The following GDA variants were observed in gnomAD, a reference collection of about 807,000 sequenced individuals.
GDA encodes guanine deaminase, also known as cytoplasmic PSD-95 interactor.
Under a neutral mutation model 59.6 loss-of-function variants are expected in GDA, and 18 were observed. That is an observed-to-expected ratio of 0.30 (90% CI 0.21 to 0.45). The LOEUF is 0.45. Ranked by LOEUF, GDA falls within the 20% of genes least tolerant of loss-of-function variation. The pLI is 1.00. For missense variants in GDA, 427 were observed against 552.3 expected (o/e 0.77, Z 2.27); for synonymous variants, 201 against 201.1 (o/e 1.00, Z 0.00).
downstream of GDA, among the ~76,000 whole-genome samples, chr9:72,253,043 G>A (rs115272329): frequency 0.012 from 1,870 of 151,998 alleles, 47 homozygotes; most frequent in African/African-American, 0.043. Context: ...GTGATATTAC[G>A]GATCCTCCTT....
chr9:72,248,222 C>G (rs1840349869), intron 13 of GDA, 50 bp from the exon 14 acceptor site: 1 of 1,257,700 alleles, frequency 8.0e-7, no homozygotes, highest in Non-Finnish European at 1.2e-6. Flanking sequence ...AAGGAAGATA[C>G]TTATTGACAC....
intron 1 of GDA, among the ~76,000 whole-genome samples, chr9:72,182,566 A>G (rs1831387614): frequency 2.6e-5 from 4 of 152,086 alleles, no homozygotes; most frequent in African/African-American, 2.4e-5. Context: ...AACTTTGGTC[A>G]CTCGGCTGAG....
At chr9:72,125,319 A>ACTCCCTCCCTTTACTCC (rs1825807448) in intron 1 of GDA, among the ~76,000 whole-genome samples, 1 of 127,390 alleles carries the variant, frequency 7.8e-6, no homozygotes, top group Non-Finnish European at 1.7e-5. Flanking sequence ...TCCTTCCTTT[A>ACTCCCTCCCTTTACTCC]CTCCCTCCCT....
At chr9:72,216,654 C>T (rs901112568) in intron 5 of GDA, among the ~76,000 whole-genome samples, 3 of 151,712 alleles carry the variant, frequency 2.0e-5, no homozygotes, top group Non-Finnish European at 4.4e-5. Context: ...CCAGCGATTG[C>T]CTGGGGCTGG....
At chr9:72,169,936 T>C (rs1829759055) in intron 1 of GDA, among the ~76,000 whole-genome samples, 1 of 152,252 alleles carries the variant, frequency 6.6e-6, no homozygotes, top group Admixed American at 6.5e-5. Context: ...CCTTCAGCTC[T>C]GAGGACAGAT....
intron 1 of GDA, among the ~76,000 whole-genome samples, chr9:72,183,906 G>T (rs1380343460): frequency 1.3e-5 from 2 of 152,148 alleles, no homozygotes; most frequent in African/African-American, 4.8e-5. Flanking sequence ...GATCAGAAGA[G>T]TTATTAAAGT....
Position 72,153,963 on chromosome 9 carries a change from T to TA in GDA, c.123+4291dup, listed in dbSNP as rs144225313. Among the ~76,000 whole-genome samples the TA allele has an allele frequency of 7.3e-3, 1,098 of 149,438 alleles. 17 individuals carry two copies. Among genetic ancestry groups the TA allele is most frequent in the African/African-American group, 0.025 (1,004 of 40,874 alleles). On this transcript the variant is annotated intron_variant, in intron 1 of 13. Coordinates refer to ENST00000358399, the MANE Select transcript of GDA (RefSeq NM_004293.5). ...ATGTACCCTAAAACTTAAAGTATAA[T>TA]AAAAAAAAAATATAGACTCTAACAT...
chr9:72,240,952 T>A (rs578023527), intron 10 of GDA, among the ~76,000 whole-genome samples, 200 bp from the exon 11 acceptor site: 1 of 152,236 alleles, frequency 6.6e-6, no homozygotes, highest in Non-Finnish European at 1.5e-5. Flanking sequence ...AGGAAACTAA[T>A]ACAAGTATGC....
At chr9:72,151,761 G>A (rs754902585) in intron 1 of GDA, among the ~76,000 whole-genome samples, 4 of 151,616 alleles carry the variant, frequency 2.6e-5, no homozygotes, top group East Asian at 1.9e-4. Context: ...GCGCCACCAC[G>A]CCCCACTGAT....
chr9:72,244,866 G>T (rs906982667), intron 11 of GDA, among the ~76,000 whole-genome samples: 5 of 152,140 alleles, frequency 3.3e-5, no homozygotes, highest in African/African-American at 1.2e-4. Context: ...GGGCTATGAA[G>T]TGCACTGATA....
At position 72,119,152 on chromosome 9, in the gene GDA, G is replaced by GA. The variant is rs1347838500; in HGVS notation, c.-100+4327dup. ...TATGGTAAGTTGTAATATCAACTAG[G>GA]AAAAAAAATGTCAGTGGAGGAAATA... On this transcript the variant is annotated intron_variant, in intron 1 of 13. Coordinates refer to the GDA transcript ENST00000545168. Among the ~76,000 whole-genome samples, 3 of 152,040 alleles carry GA rather than the reference G, an allele frequency of 2.0e-5. No individual in the cohort carries two copies. In the East Asian group the frequency reaches 5.8e-4, roughly 29 times the overall value.
chr9:72,154,862 G>A (rs1017554349), intron 1 of GDA, among the ~76,000 whole-genome samples: 1 of 152,208 alleles, frequency 6.6e-6, no homozygotes, highest in Non-Finnish European at 1.5e-5. Context: ...ACTTGTAGCT[G>A]TAATAAAAGT....
intron 1 of GDA, among the ~76,000 whole-genome samples, chr9:72,167,516 A>T (rs181754411): frequency 3.3e-5 from 5 of 152,320 alleles, no homozygotes; most frequent in Non-Finnish European, 5.9e-5. Flanking sequence ...GAAATGCTGC[A>T]TTTCTGAACA....
At position 72,195,479 on chromosome 9, in the gene GDA, TTTTCTTTC is replaced by T. The variant is rs761251408; in HGVS notation, c.124-13_124-6del. On this transcript the variant is annotated splice_polypyrimidine_tract_variant and intron_variant, in intron 1 of 13. Transcript: ENST00000358399. ...GACTCACTAATATGTGTTTCTTTTCTTTTCTTTCTTTCTTTTAAAGATAGTGTTTTTAG... is the reference window on the plus strand; with the variant it reads ...GACTCACTAATATGTGTTTCTTTTCTTTTCTTTTAAAGATAGTGTTTTTAG... 2.7e-6 allele frequency: 3 copies of T among 1,128,626 alleles called. No homozygotes were observed. In the East Asian group the frequency reaches 7.3e-5, roughly 27 times the overall value. 69.9% of individuals were successfully genotyped at this position (1,128,626 alleles called of 1,614,324 possible). A position where few individuals can be genotyped will look rare whatever the true frequency, so the allele number is the denominator to read the frequency against.
At chr9:72,129,844 G>A (rs1825965571) in intron 1 of GDA, among the ~76,000 whole-genome samples, 1 of 152,116 alleles carries the variant, frequency 6.6e-6, no homozygotes, top group Admixed American at 6.5e-5. Flanking sequence ...GAAGGGCAGG[G>A]GAGTTAACAG....
At chr9:72,183,484 AG>A (rs546225880) in intron 1 of GDA, among the ~76,000 whole-genome samples, 1 of 152,346 alleles carries the variant, frequency 6.6e-6, no homozygotes, top group South Asian at 2.1e-4. Context: ...AAAGGCACAA[AG>A]AAATAGTTTA....
At chr9:72,159,418 A>T (rs1239061847) in intron 1 of GDA, among the ~76,000 whole-genome samples, 11 of 152,136 alleles carry the variant, frequency 7.2e-5, no homozygotes. Flanking sequence ...AGAAAAAAAA[A>T]TGAGTGATAG....
At chr9:72,188,943 G>GT (rs61271235) in intron 1 of GDA, among the ~76,000 whole-genome samples, 40,819 of 151,942 alleles carry the variant, frequency 0.27, 5,865 homozygotes, top group East Asian at 0.56. Flanking sequence ...GGCTTAAAGT[G>GT]TTTTTTCCCA....
rs894036501 is a variant in GDA, at chr9:72,249,012, T to C, written c.*670T>C. ...TTGAATGCCACATGCTTTCATAATA[T>C]AGTTTTGTGCTTCAAAGTGTTTGAC... is the stretch of plus-strand genomic sequence containing the variant. On this transcript the variant is annotated 3_prime_UTR_variant, in exon 14 of 14. Coordinates refer to ENST00000358399, the MANE Select transcript of GDA (RefSeq NM_004293.5). 1.0e-6 allele frequency: 1 copy of C among 985,380 alleles called. No homozygotes were observed. The highest frequency in any genetic ancestry group is 1.2e-6 in the Non-Finnish European group (1 of 829,490). The allele number at this position is 985,380 out of a possible 1,614,324, so 61.0% of individuals were successfully genotyped here.
Sources: gnomAD v4.1 joint callset for allele counts (sites outside exome capture counted in the v4.1 genomes callset) on GRCh38, gnomAD v4.1.1 for gene constraint, MANE v1.5 for transcripts, NCBI Gene and HGNC (gene_info 2026-07-23, HGNC 2026-07-21) for gene names.